Variants in SCAI observed in about 807,000 individuals in gnomAD.
The protein encoded by SCAI is suppressor of cancer cell invasion.
Under a neutral mutation model 92.2 loss-of-function variants are expected in SCAI, and 24 were observed. The observed-to-expected ratio is 0.26, with a 90% CI of 0.19 to 0.37. The LOEUF (loss-of-function observed/expected upper bound fraction) is 0.37. Ranked by LOEUF, SCAI falls within the 10% of genes least tolerant of loss-of-function variation. The probability of loss-of-function intolerance (pLI) is 1.00; values close to 1 mark genes in which losing one functional copy is unlikely to be tolerated. For missense variants in SCAI, 450 were observed against 736.2 expected (o/e 0.61, Z 4.50); for synonymous variants, 261 against 258.6 (o/e 1.01, Z -0.09).
chr9:125,123,808 C>T (rs1437386813), intron 2 of SCAI, among the ~76,000 whole-genome samples: 1 of 152,156 alleles, frequency 6.6e-6, no homozygotes, highest in African/African-American at 2.4e-5. Flanking sequence ...AACAAAAGTC[C>T]TAACTGCCAC....
intron 17 of SCAI, 154 bp downstream of exon 17, chr9:124,971,216 G>C: frequency 1.1e-5 from 5 of 458,300 alleles, no homozygotes; most frequent in Non-Finnish European, 1.9e-5. Context: ...TTACTTAGCA[G>C]ACCAGTGTGA....
chr9:125,039,299 A>T (rs544263643), intron 3 of SCAI, among the ~76,000 whole-genome samples: 1 of 151,744 alleles, frequency 6.6e-6, no homozygotes, highest in Non-Finnish European at 1.5e-5. Context: ...AGGCCGGAGA[A>T]TCGCCTGAAT....
At chr9:125,062,584 A>C (rs1056759443) in intron 2 of SCAI, among the ~76,000 whole-genome samples, 1 of 151,380 alleles carries the variant, frequency 6.6e-6, no homozygotes, top group Non-Finnish European at 1.5e-5. Context: ...ATGAAACCCC[A>C]TCTCTACTAA....
intron 2 of SCAI, among the ~76,000 whole-genome samples, chr9:125,087,914 C>T (rs1390684247): frequency 2.6e-5 from 4 of 152,066 alleles, no homozygotes; most frequent in Admixed American, 6.6e-5. Context: ...TGGATATACA[C>T]AAATATATCA....
chr9:125,019,324 A>G (rs1832823819), intron 7 of SCAI, 119 bp from the exon 8 acceptor site: 4 of 618,718 alleles, frequency 6.5e-6, no homozygotes, highest in South Asian at 4.3e-5. Flanking sequence ...TTAGCAATAC[A>G]CAGTCCTGAT....
chr9:124,980,783 A>C (rs1374962109), intron 14 of SCAI, among the ~76,000 whole-genome samples: 2 of 152,126 alleles, frequency 1.3e-5, no homozygotes, highest in Non-Finnish European at 1.5e-5. Context: ...TTTGCTCTGT[A>C]TCCTTTTACT....
chr9:125,043,055 A>G (rs1028178412), intron 3 of SCAI, among the ~76,000 whole-genome samples: 11 of 151,468 alleles, frequency 7.3e-5, no homozygotes, highest in Non-Finnish European at 1.5e-4. Context: ...TTTAGTAGAG[A>G]TGAGGTTTCG....
At chr9:125,128,230 C>T (rs1295229181) in intron 2 of SCAI, among the ~76,000 whole-genome samples, 2 of 152,002 alleles carry the variant, frequency 1.3e-5, no homozygotes, top group Non-Finnish European at 1.5e-5. Context: ...GGTGGGAGGA[C>T]TGCTTGAGCC....
chr9:125,093,024 TG>T (rs1266340110), intron 2 of SCAI, among the ~76,000 whole-genome samples: 3 of 152,230 alleles, frequency 2.0e-5, no homozygotes, highest in African/African-American at 4.8e-5. Flanking sequence ...TGGACACTGT[TG>T]ATCATTTTCC....
intron 15 of SCAI, chr9:124,975,328 A>G (rs1426889239): frequency 6.6e-6 from 3 of 456,744 alleles, no homozygotes. Flanking sequence ...CTATGTCAGC[A>G]GACAGGACTT....
chr9:124,957,167 T>G (rs539662762), intron 17 of SCAI, among the ~76,000 whole-genome samples: 136 of 152,104 alleles, frequency 8.9e-4, no homozygotes, highest in African/African-American at 3.0e-3. Flanking sequence ...TAATTTTTTG[T>G]ATTTTTTGTA....
intron 2 of SCAI, among the ~76,000 whole-genome samples, chr9:125,058,839 T>G (rs1564396615): frequency 6.6e-6 from 1 of 152,176 alleles, no homozygotes; most frequent in Non-Finnish European, 1.5e-5. Flanking sequence ...AGCAAGAAAG[T>G]GCTCAAGGAA....
chr9:124,998,796 AT>A (rs1832299382), intron 13 of SCAI, among the ~76,000 whole-genome samples: 1 of 151,818 alleles, frequency 6.6e-6, no homozygotes, highest in South Asian at 2.1e-4. Flanking sequence ...TAATTTTTGT[AT>A]TTTGGTAGAG....
In SCAI at chr9:125,003,487, C is replaced by G; in HGVS notation, c.945G>C (p.Met315Ile). ...AGATTACCTGCATTCCTGGTTTATTCATCTGGGAAGCTAAATTCATTGGCT... is the reference window on the plus strand; with the variant it reads ...AGATTACCTGCATTCCTGGTTTATTGATCTGGGAAGCTAAATTCATTGGCT... ...EREPMNLASQ[M>I]NKPGMQESAD... The change falls in exon 10 of 18, where the codon ATG (methionine) becomes ATC (isoleucine). Residue 315 changes from methionine to isoleucine, a missense_variant. By Grantham distance (10) the Met-to-Ile change is conservative. Transcript: ENST00000336505. 1.9e-6 allele frequency: 3 copies of G among 1,610,742 alleles called. No individual in the cohort carries two copies. Among genetic ancestry groups the G allele is most frequent in the Non-Finnish European group, 2.5e-6 (3 of 1,177,078 alleles).
intron 17 of SCAI, among the ~76,000 whole-genome samples, chr9:124,958,878 G>T (rs905759343): frequency 1.2e-5 from 1 of 84,932 alleles, no homozygotes; most frequent in Non-Finnish European, 2.3e-5. Context: ...CTGCACTCCA[G>T]CCTGGGTGAG....
At chr9:124,996,959 G>C (rs975432430) in intron 13 of SCAI, among the ~76,000 whole-genome samples, 1 of 151,964 alleles carries the variant, frequency 6.6e-6, no homozygotes, top group African/African-American at 2.4e-5. Flanking sequence ...TCACCACCAT[G>C]CTGTACTTTA....
At chr9:124,970,063 A>T (rs1315385673) in intron 17 of SCAI, among the ~76,000 whole-genome samples, 2 of 152,088 alleles carry the variant, frequency 1.3e-5, no homozygotes, top group Non-Finnish European at 2.9e-5. Context: ...CATGTTGGCC[A>T]GCCTGGTCTT....
At chr9:125,045,501 A>C (rs1020966486) in intron 3 of SCAI, among the ~76,000 whole-genome samples, 1 of 152,082 alleles carries the variant, frequency 6.6e-6, no homozygotes, top group African/African-American at 2.4e-5. Context: ...TACCACACCC[A>C]GCTATATTTT....
At chr9:125,064,363 C>T (rs1313958695) in intron 2 of SCAI, among the ~76,000 whole-genome samples, 2 of 152,030 alleles carry the variant, frequency 1.3e-5, no homozygotes, top group African/African-American at 2.4e-5. Flanking sequence ...AGACGGGTGC[C>T]GTGGTTCAAA....
Sources: gnomAD v4.1 joint callset for allele counts (sites outside exome capture counted in the v4.1 genomes callset) on GRCh38, gnomAD v4.1.1 for gene constraint, MANE v1.5 for transcripts, NCBI Gene and HGNC (gene_info 2026-07-23, HGNC 2026-07-21) for gene names.